Variants in KIF13A observed in about 807,000 individuals in gnomAD.
KIF13A encodes the protein kinesin-like protein KIF13A.
A neutral mutation model predicts 212.2 loss-of-function variants in KIF13A; 79 were observed. The ratio of observed to expected loss-of-function variants is 0.37; its 90% confidence interval spans 0.31 to 0.45. The LOEUF (loss-of-function observed/expected upper bound fraction) is 0.45, where lower values mean the gene tolerates loss of function less well. Among genes scored for constraint, KIF13A ranks in the 20% least tolerant of loss-of-function variants. The pLI, the probability that KIF13A is intolerant of heterozygous loss-of-function variation, is 1.00. For synonymous variants in KIF13A, 789 were observed against 808.6 expected, an observed-to-expected ratio of 0.98 and a Z score of 0.41; for missense variants, 1,901 against 2,209.0, an observed-to-expected ratio of 0.86 and a Z score of 2.79.
chr6:17,978,425 CTT>C lies in KIF13A; in HGVS notation c.146+8627_146+8628del, dbSNP rs200651379. ...CTCCTGGATCTCACATAAATCAACT[CTT>C]GTTTTAATACCTGTTTTCATCTAAA... On this transcript the variant is annotated intron_variant, in intron 2 of 38. Transcript: ENST00000259711. Among the ~76,000 whole-genome samples, 1,233 of 152,316 alleles carry C rather than the reference CTT, an allele frequency of 8.1e-3. 7 individuals are homozygous for C. Among genetic ancestry groups the C allele is most frequent in the African/African-American group, 0.021 (863 of 41,564 alleles).
chr6:17,769,421 C>T lies in KIF13A; in HGVS notation c.4581+1693G>A, dbSNP rs1759299407. Among the ~76,000 whole-genome samples the T allele has an allele frequency of 1.3e-5, 2 of 152,154 alleles. No homozygotes were observed. Reference sequence around the variant, plus strand: ...ACCATCAAGTCCTTCTTACTGTACTCCATGGTGCATTCAGTCACAGAGTCT... The same window carrying T: ...ACCATCAAGTCCTTCTTACTGTACTTCATGGTGCATTCAGTCACAGAGTCT... On this transcript the variant is annotated intron_variant, in intron 38 of 38. Coordinates refer to ENST00000259711, the MANE Select transcript of KIF13A (RefSeq NM_022113.6). This position sits in a 1 kb window ranked among gnomAD's most constrained non-coding sequence, Gnocchi z 5.8.
intron 19 of KIF13A, 105 bp downstream of exon 19, chr6:17,805,370 C>CGTGTGTGTGTGTGTGT (rs59526903): frequency 1.6e-5 from 12 of 738,296 alleles, no homozygotes; most frequent in South Asian, 3.5e-5. Flanking sequence ...AGCACATCTC[C>CGTGTGTGTGTGTGTGT]GTGTGTGTGT....
rs1026292127 is a variant in KIF13A, at chr6:17,816,157, G to A, written c.2000+863C>T. Among the ~76,000 whole-genome samples the A allele has an allele frequency of 2.6e-5, 4 of 151,780 alleles. No homozygotes were observed. Among genetic ancestry groups the A allele is most frequent in the Non-Finnish European group, 4.4e-5 (3 of 67,936 alleles). ...TGGTCTGGAACTCCTGACCTCAGGC[G>A]ATCCGCTGCCTTGGCCTCCCAAAGT... On this transcript the variant is annotated intron_variant, in intron 17 of 38. Coordinates refer to ENST00000259711, the MANE Select transcript of KIF13A (RefSeq NM_022113.6). This position sits in a 1 kb window ranked among gnomAD's most constrained non-coding sequence, Gnocchi z 4.3.
rs1282797247 is a variant in KIF13A at position 17,871,084 on chromosome 6, C to T, written c.220+2293G>A. Among the ~76,000 whole-genome samples, 1 of 152,232 alleles carries T rather than the reference C, an allele frequency of 6.6e-6. No homozygotes were observed. The highest frequency in any genetic ancestry group is 1.9e-4 in the East Asian group (1 of 5,204). ...GTGCTCTCCTTGACACATGTCACTT[C>T]CTCTTGTCTGGATGCCTTCTAGGCT... On this transcript the variant is annotated intron_variant, in intron 4 of 38. Coordinates refer to ENST00000259711, the MANE Select transcript of KIF13A (RefSeq NM_022113.6). This position sits in a 1 kb window ranked among gnomAD's most constrained non-coding sequence, Gnocchi z 4.4.
chr6:17,913,499 T>A lies in KIF13A; in HGVS notation c.147-15319A>T, dbSNP rs12526358. 9.6e-3 allele frequency among the ~76,000 whole-genome samples: 1,461 copies of A among 152,244 alleles called. 95 individuals are homozygous for A. The highest frequency in any genetic ancestry group is 0.083 in the Admixed American group (1,270 of 15,290). ...AGTGCAAAATGGAAGAACTTCACCA[T>A]TATTAAAAAGTTCCACCCCTGCTAT... On this transcript the variant is annotated intron_variant, in intron 2 of 38. Transcript: ENST00000259711.
chr6:17,849,615 T>G lies in KIF13A; in HGVS notation c.718-126A>C. On this transcript the variant is annotated intron_variant, in intron 8 of 38. Transcript: ENST00000259711. This position sits in a 1 kb window ranked among gnomAD's most constrained non-coding sequence, Gnocchi z 5.7. ...CTCATATGGCAAATTTCTTAAGTTT[T>G]TAAACGGTCAGAAGAGTTATTTGAA... 1 of 591,762 alleles carries G rather than the reference T, an allele frequency of 1.7e-6. No individual in the cohort carries two copies. The highest frequency in any genetic ancestry group is 2.4e-5 in the South Asian group (1 of 42,452). 36.7% of individuals were successfully genotyped at this position (591,762 alleles called of 1,614,324 possible).
At chr6:17,942,435 C>T (rs1777034452) in intron 2 of KIF13A, among the ~76,000 whole-genome samples, 2 of 152,044 alleles carry the variant, frequency 1.3e-5, no homozygotes, top group South Asian at 2.1e-4. Flanking sequence ...CTGGTGTTGT[C>T]ATTGAATTAG....
rs1178067003 is a variant in KIF13A at position 17,894,171 on chromosome 6, C to T, written c.159+3997G>A. Among the ~76,000 whole-genome samples, 7 of 145,880 alleles carry T rather than the reference C, an allele frequency of 4.8e-5. No individual in the cohort carries two copies. In the South Asian group the frequency reaches 1.1e-3, roughly 22 times the overall value. On this transcript the variant is annotated intron_variant, in intron 3 of 38. Coordinates refer to ENST00000259711, the MANE Select transcript of KIF13A (RefSeq NM_022113.6). ...TTTTTTTTTTGAGACAGGGTTCTGT[C>T]GCCCAGGCTGGAGTGCAGTTGCATG...
chr6:17,764,968 C>CAA lies in KIF13A; in HGVS notation c.4582-23_4582-22insTT. The stretch of plus-strand genomic sequence containing the variant: ...AGTCCTATAGAAGTGAAGCAAAAGT[C>CAA]AGTCATTAGCTCCTTGTAGCAACTG... On this transcript the variant is annotated intron_variant, in intron 38 of 38. Coordinates refer to ENST00000259711, the MANE Select transcript of KIF13A (RefSeq NM_022113.6). This position sits in a 1 kb window ranked among gnomAD's most constrained non-coding sequence, Gnocchi z 5.1. 1 of 1,555,888 alleles carries CAA rather than the reference C, an allele frequency of 6.4e-7. No individual in the cohort carries two copies. The highest frequency in any genetic ancestry group is 8.7e-7 in the Non-Finnish European group (1 of 1,147,036).
At chr6:17,965,624 G>A (rs1323639466) in intron 2 of KIF13A, among the ~76,000 whole-genome samples, 2 of 152,184 alleles carry the variant, frequency 1.3e-5, no homozygotes, top group African/African-American at 4.8e-5. Flanking sequence ...TGCTTCATTA[G>A]TGAGATGTTT....
At chr6:17,858,127 G>A (rs1040608618) in intron 4 of KIF13A, among the ~76,000 whole-genome samples, 10 of 137,370 alleles carry the variant, frequency 7.3e-5, no homozygotes, top group Non-Finnish European at 1.4e-4. Flanking sequence ...GCACGCATGT[G>A]TGTGTGTGTG....
chr6:17,961,955 A>G lies in KIF13A; in HGVS notation c.146+25099T>C, dbSNP rs1446531178. ...TTGACAATCAAGGTTTAATAGTTCA[A>G]CGGGCAATGGTTTTTCTTTTGTGTG... is the stretch of plus-strand genomic sequence containing the variant. On this transcript the variant is annotated intron_variant, in intron 2 of 38. Coordinates refer to ENST00000259711, the MANE Select transcript of KIF13A (RefSeq NM_022113.6). This position sits in a 1 kb window ranked among gnomAD's most constrained non-coding sequence, Gnocchi z 4.1. 1.3e-5 allele frequency among the ~76,000 whole-genome samples: 2 copies of G among 152,136 alleles called. No homozygotes were observed. The highest frequency in any genetic ancestry group is 4.8e-5 in the African/African-American group (2 of 41,424).
intron 2 of KIF13A, among the ~76,000 whole-genome samples, chr6:17,946,279 T>C (rs1053525943): frequency 3.3e-5 from 5 of 152,048 alleles, no homozygotes; most frequent in African/African-American, 1.2e-4. Flanking sequence ...ATCTTAAAAG[T>C]AAAGGGTAAA....
rs1429666401 is a variant in KIF13A at position 17,785,501 on chromosome 6, G to A, written c.3488+14C>T. 5.8e-6 allele frequency: 9 copies of A among 1,546,646 alleles called. No individual in the cohort carries two copies. In the East Asian group the frequency reaches 1.9e-4, roughly 32 times the overall value. On this transcript the variant is annotated intron_variant, in intron 28 of 38. Coordinates refer to ENST00000259711, the MANE Select transcript of KIF13A (RefSeq NM_022113.6). This position sits in a 1 kb window ranked among gnomAD's most constrained non-coding sequence, Gnocchi z 5.8. ...CATCTCCCCAGGTCTGCACAGAAGGGAGGGCAGCCTTACCAGTCGGCAGGT... is the reference window on the plus strand; with the variant it reads ...CATCTCCCCAGGTCTGCACAGAAGGAAGGGCAGCCTTACCAGTCGGCAGGT...
chr6:17,976,878 G>T (rs1189163332), intron 2 of KIF13A, among the ~76,000 whole-genome samples: 1 of 151,684 alleles, frequency 6.6e-6, no homozygotes, highest in Non-Finnish European at 1.5e-5. Flanking sequence ...AAGGTGGGTG[G>T]ATCACGAGGT....
rs1454159943 is a variant in KIF13A at position 17,772,628 on chromosome 6, C to T, written c.4325-569G>A. 1.1e-4 allele frequency among the ~76,000 whole-genome samples: 16 copies of T among 152,262 alleles called. No individual in the cohort carries two copies. Among genetic ancestry groups the T allele is most frequent in the East Asian group, 3.8e-4 (2 of 5,206 alleles). ...CACTAACCAGACCAATTTCAGCTCA[C>T]GCTGATTTTCCATTCCTCTGAATTC... On this transcript the variant is annotated intron_variant, in intron 36 of 38. Coordinates refer to ENST00000259711, the MANE Select transcript of KIF13A (RefSeq NM_022113.6). This position sits in a 1 kb window ranked among gnomAD's most constrained non-coding sequence, Gnocchi z 4.8.
At chr6:17,875,003 G>GCACA (rs905903459) in intron 3 of KIF13A, among the ~76,000 whole-genome samples, 16 of 133,382 alleles carry the variant, frequency 1.2e-4, no homozygotes, top group African/African-American at 2.8e-4. Context: ...GCACACGCAC[G>GCACA]CACACACACA....
At chr6:17,986,812 G>T (rs1013290403) in intron 2 of KIF13A, among the ~76,000 whole-genome samples, 2 of 152,202 alleles carry the variant, frequency 1.3e-5, no homozygotes, top group Non-Finnish European at 2.9e-5. Flanking sequence ...CTCGCAGCCC[G>T]CCCGGGCTCA....
In KIF13A at chr6:17,772,802, CCT is replaced by C. The variant is rs1305498487; in HGVS notation, c.4324+674_4324+675del. Among the ~76,000 whole-genome samples the C allele has an allele frequency of 2.2e-4, 30 of 135,342 alleles. No homozygotes were observed. Among genetic ancestry groups the C allele is most frequent in the Non-Finnish European group, 3.4e-5 (2 of 58,748 alleles). The allele number at this position is 135,342 out of a possible 152,430, so 88.8% of individuals were successfully genotyped here. The stretch of plus-strand genomic sequence containing the variant: ...AATACTGTGTAAATTTTCTTGCGAG[CCT>C]CTTTTTTTCCCCCTCAGGCCACCCT... On this transcript the variant is annotated intron_variant, in intron 36 of 38. Transcript: ENST00000259711. The surrounding 1 kb of genome is among the most constrained non-coding windows in gnomAD (Gnocchi z 4.8).
Sources: allele counts gnomAD v4.1 joint callset (sites outside exome capture counted in the v4.1 genomes callset), GRCh38; gene constraint gnomAD v4.1.1; non-coding constraint Gnocchi (gnomAD v3.1); transcripts MANE v1.5; gene names NCBI Gene and HGNC (gene_info 2026-07-23, HGNC 2026-07-21).